The following ZNF486 variants were observed in gnomAD, a reference collection of about 807,000 sequenced individuals.
ZNF486 encodes the protein KRAB box only protein 2.
In ZNF486, 12 loss-of-function variants were observed where a neutral mutation model predicts 12.8. That is an observed-to-expected ratio of 0.94 (90% CI 0.60 to 1.52). The LOEUF is 1.52. Ranked by LOEUF, ZNF486 falls within the 40% of genes most tolerant of loss-of-function variation. The pLI is 0.00. For synonymous variants in ZNF486, 231 were observed against 184.9 expected, an observed-to-expected ratio of 1.25 and a Z score of -2.02; for missense variants, 738 against 545.0, an observed-to-expected ratio of 1.35 and a Z score of -3.53.
At chr19:20,170,198 A>G (rs1555713713) in intron 1 of ZNF486, among the ~76,000 whole-genome samples, 1 of 149,496 alleles carries the variant, frequency 6.7e-6, no homozygotes, top group Non-Finnish European at 1.5e-5. Flanking sequence ...CGCCCGGCCA[A>G]AATGGGGTGT....
chr19:20,171,721 T>G (rs1288792756), intron 1 of ZNF486, among the ~76,000 whole-genome samples: 2 of 152,254 alleles, frequency 1.3e-5, no homozygotes, highest in South Asian at 4.1e-4. Flanking sequence ...TTTTTTTTCT[T>G]TTAGCTTTTA....
chr19:20,197,626 C>T lies in ZNF486; in HGVS notation c.916C>T (p.Pro306Ser), dbSNP rs782396340. Residue 306 changes from proline (P) to serine (S), a missense_variant, in exon 4 of 4, where the codon CCT (proline) becomes TCT (serine). Transcript: ENST00000335117. ...CKECDKAFNH[P>S]ATLSSHKKIH... The stretch of plus-strand genomic sequence containing the variant: ...AGAATGTGACAAAGCTTTTAACCAT[C>T]CTGCAACTCTTTCTTCACATAAGAA... 59 of 1,613,430 alleles carry T rather than the reference C, an allele frequency of 3.7e-5. No individual in the cohort carries two copies. The highest frequency in any genetic ancestry group is 3.0e-4 in the Admixed American group (18 of 59,942).
intron 1 of ZNF486, among the ~76,000 whole-genome samples, chr19:20,183,397 T>TAGG (rs1199345552): frequency 3.9e-5 from 6 of 152,240 alleles, no homozygotes; most frequent in Admixed American, 1.3e-4. Flanking sequence ...AAGAAATTAT[T>TAGG]AGGAGATACC....
intron 1 of ZNF486, among the ~76,000 whole-genome samples, chr19:20,169,485 C>T (rs959789628): frequency 1.3e-5 from 2 of 152,140 alleles, no homozygotes; most frequent in East Asian, 3.9e-4. Context: ...GCTCACCCCA[C>T]CCATGGAAGG....
chr19:20,175,585 C>A (rs979372383), intron 1 of ZNF486, among the ~76,000 whole-genome samples: 2 of 151,472 alleles, frequency 1.3e-5, no homozygotes, highest in African/African-American at 2.4e-5. Context: ...CATCTTGCAC[C>A]GCCCTTAATC....
At chr19:20,195,539 T>A (rs1199298970) in intron 3 of ZNF486, among the ~76,000 whole-genome samples, 1 of 151,888 alleles carries the variant, frequency 6.6e-6, no homozygotes, top group African/African-American at 2.4e-5. Flanking sequence ...AGTTTATAAT[T>A]TTTTTGATGG....
intron 1 of ZNF486, among the ~76,000 whole-genome samples, chr19:20,181,801 CAG>C (rs1473968194): frequency 1.3e-5 from 2 of 152,206 alleles, no homozygotes; most frequent in Admixed American, 1.3e-4. Context: ...AAATTCATGA[CAG>C]AGAAACAGAA....
intron 3 of ZNF486, chr19:20,188,629 AGAGT>A (rs2089873212): frequency 2.5e-6 from 1 of 395,844 alleles, no homozygotes. Flanking sequence ...CTTGAATGAC[AGAGT>A]GAGACCCTGT....
intron 3 of ZNF486, chr19:20,188,420 C>T: frequency 2.5e-6 from 1 of 398,360 alleles, no homozygotes; most frequent in Non-Finnish European, 4.4e-6. Context: ...GTTGTGGCTC[C>T]CATCTGTAAT....
chr19:20,168,306 C>T (rs545548621), intron 1 of ZNF486, among the ~76,000 whole-genome samples: 1 of 152,002 alleles, frequency 6.6e-6, no homozygotes, highest in South Asian at 2.1e-4. Context: ...TTGCAGTGAG[C>T]TGAGACCGCG....
chr19:20,187,705 G>A lies in ZNF486; in HGVS notation c.253+1623G>A, dbSNP rs370542592. Among the ~76,000 whole-genome samples the A allele has an allele frequency of 1.3e-4, 19 of 151,880 alleles. No individual in the cohort carries two copies. The East Asian group carries it at 1.9e-3, about 15-fold the overall frequency. ...TTTTTATTAGAGACAGGGTTTCACC[G>A]TGTTAGCCAGGATGGTCTCGATCTC... is the stretch of plus-strand genomic sequence containing the variant. On this transcript the variant is annotated intron_variant, in intron 3 of 3. Transcript: ENST00000335117.
At chr19:20,173,011 G>A (rs1321177409) in intron 1 of ZNF486, among the ~76,000 whole-genome samples, 2 of 152,120 alleles carry the variant, frequency 1.3e-5, no homozygotes, top group Non-Finnish European at 2.9e-5. Context: ...TGTTTATTTT[G>A]TAGATTGTTT....
intron 1 of ZNF486, among the ~76,000 whole-genome samples, chr19:20,168,840 TA>T (rs202170161): frequency 9.9e-5 from 15 of 151,618 alleles, no homozygotes; most frequent in Admixed American, 2.6e-4. Flanking sequence ...AGGAGGGGGT[TA>T]AAAAAAATTT....
intron 1 of ZNF486, among the ~76,000 whole-genome samples, chr19:20,170,148 C>T (rs1359761079): frequency 2.0e-5 from 3 of 151,758 alleles, no homozygotes; most frequent in Non-Finnish European, 2.9e-5. Flanking sequence ...CCGCCCGCCT[C>T]GGCCTCCCGA....
intron 1 of ZNF486, 149 bp downstream of exon 1, chr19:20,167,509 T>A: frequency 2.2e-6 from 2 of 894,516 alleles, no homozygotes; most frequent in Non-Finnish European, 3.4e-6. Context: ...CCTTCAGCCA[T>A]AAGATGGTGG....
rs2089637731 is a variant in ZNF486 at position 20,170,540 on chromosome 19, C to T, written c.30+3180C>T. On this transcript the variant is annotated intron_variant, in intron 1 of 3. Coordinates refer to ENST00000335117, the MANE Select transcript of ZNF486 (RefSeq NM_052852.4). ...AGTGAGTCAAGATGGTGCCACTGCA[C>T]TCCAGCCTGGGCAGCAGAGTGAGAC... Among the ~76,000 whole-genome samples the T allele has an allele frequency of 2.6e-5, 4 of 151,790 alleles. No individual in the cohort carries two copies. The East Asian group carries it at 8.0e-4, about 30-fold the overall frequency.
chr19:20,177,774 C>T (rs1555715021), intron 1 of ZNF486, among the ~76,000 whole-genome samples: 1 of 152,104 alleles, frequency 6.6e-6, no homozygotes, highest in African/African-American at 2.4e-5. Context: ...GGGGGTTTGT[C>T]AGTGTTGGCC....
At position 20,198,050 on chromosome 19, in the gene ZNF486, C is replaced by T. The variant is rs112811055; in HGVS notation, c.1340C>T (p.Ser447Leu). ...TGTGGCAAAGCTTTTAACTGGTCCT[C>T]AGACCTTAATAAACATAAGAGAATT... ...KECGKAFNWS[S>L]DLNKHKRIHI... The change falls in exon 4 of 4, where the codon TCA becomes TTA. Residue 447 changes from serine (S) to leucine (L), a missense_variant. Coordinates refer to ENST00000335117, the MANE Select transcript of ZNF486 (RefSeq NM_052852.4). 1.2e-6 allele frequency: 2 copies of T among 1,611,066 alleles called. No individual in the cohort carries two copies. Among genetic ancestry groups the T allele is most frequent in the African/African-American group, 1.3e-5 (1 of 74,940 alleles).
At chr19:20,185,134 A>G (rs1204803660) in intron 2 of ZNF486, among the ~76,000 whole-genome samples, 1 of 152,106 alleles carries the variant, frequency 6.6e-6, no homozygotes, top group East Asian at 1.9e-4. Flanking sequence ...AGTTTATTGA[A>G]TCTATAGATC....
Sources: allele counts gnomAD v4.1 joint callset (sites outside exome capture counted in the v4.1 genomes callset), GRCh38; gene constraint gnomAD v4.1.1; transcripts MANE v1.5; gene names NCBI Gene and HGNC (gene_info 2026-07-23, HGNC 2026-07-21).